Variants in BRAF observed in about 807,000 individuals in gnomAD.
BRAF encodes B-Raf proto-oncogene, serine/threonine kinase.
Under a neutral mutation model 104.6 loss-of-function variants are expected in BRAF, and 16 were observed. That is an observed-to-expected ratio of 0.15 (90% CI 0.10 to 0.23). BRAF has a LOEUF of 0.23. BRAF is among the 10% of genes least tolerant of loss of function. BRAF has a pLI of 1.00. For synonymous variants in BRAF, 310 were observed against 341.6 expected, an observed-to-expected ratio of 0.91 and a Z score of 1.02; for missense variants, 541 against 937.3, an observed-to-expected ratio of 0.58 and a Z score of 5.52.
chr7:140,795,413 C>T (rs1318374325), intron 7 of BRAF, among the ~76,000 whole-genome samples: 1 of 152,166 alleles, frequency 6.6e-6, no homozygotes, highest in Non-Finnish European at 1.5e-5. Flanking sequence ...TGGCTAAGTG[C>T]CAATAAGCTC....
chr7:140,914,815 G>A (rs1485215084), intron 1 of BRAF, among the ~76,000 whole-genome samples: 5 of 151,854 alleles, frequency 3.3e-5, no homozygotes, highest in East Asian at 1.9e-4. Flanking sequence ...TGAGGCGGAC[G>A]GATCATGAGG....
intron 1 of BRAF, among the ~76,000 whole-genome samples, chr7:140,885,956 T>C (rs1179986965): frequency 6.6e-6 from 1 of 152,164 alleles, no homozygotes; most frequent in African/African-American, 2.4e-5. Context: ...TTTGGTATGA[T>C]TATAGCATAG....
At chr7:140,731,289 T>C (rs1795943513) in intron 19 of BRAF, 1 of 152,268 alleles carries the variant, frequency 6.6e-6, no homozygotes, top group Non-Finnish European at 1.5e-5. Flanking sequence ...AGTGCTGGGA[T>C]TACAGCGTGA....
At position 140,873,234 on chromosome 7, in the gene BRAF, G is replaced by A. The variant is rs567090910; in HGVS notation, c.139-23022C>T. Among the ~76,000 whole-genome samples the A allele has an allele frequency of 2.1e-3, 303 of 141,160 alleles. 3 individuals are homozygous for A. Among genetic ancestry groups the A allele is most frequent in the Non-Finnish European group, 2.7e-3 (182 of 66,920 alleles). The allele number at this position is 141,160 out of a possible 152,430, so 92.6% of individuals were successfully genotyped here. ...CGCCCAGGCTGGAGTGCAATGGCAC[G>A]ATCTCGGCTCACTGCAACCTCTGCC... On this transcript the variant is annotated intron_variant, in intron 1 of 19. Transcript: ENST00000644969.
intron 7 of BRAF, among the ~76,000 whole-genome samples, chr7:140,798,272 C>CTTT (rs10525418): frequency 3.5e-5 from 4 of 115,614 alleles, no homozygotes; most frequent in South Asian, 5.1e-4. Context: ...CTTTTTTTTT[C>CTTT]TTTTTTTTGA....
At position 140,783,010 on chromosome 7, in the gene BRAF, T is replaced by C. The variant is rs752660119; in HGVS notation, c.1434+11A>G. ...AGAATTCAGAGAAAAAAAGATATCA[T>C]ATACTCTTACCATTCGATTCCTGTC... On this transcript the variant is annotated intron_variant, in intron 11 of 19. Transcript: ENST00000644969. The C allele has an allele frequency of 6.2e-7, 1 of 1,612,872 alleles. No homozygotes were observed.
At chr7:140,800,597 A>G in intron 6 of BRAF, 116 bp from the exon 7 acceptor site, 1 of 1,511,802 alleles carries the variant, frequency 6.6e-7, no homozygotes, top group Non-Finnish European at 9.1e-7. Context: ...AACAACTGTT[A>G]AAATTCAATT....
At chr7:140,855,101 A>C (rs1308596812) in intron 1 of BRAF, among the ~76,000 whole-genome samples, 3 of 152,170 alleles carry the variant, frequency 2.0e-5, no homozygotes, top group Non-Finnish European at 4.4e-5. Flanking sequence ...AATTTTAAAG[A>C]ATGTGTTTGG....
intron 18 of BRAF, 25 bp from the exon 18 acceptor site, chr7:140,734,795 A>AG: frequency 2.5e-6 from 3 of 1,204,720 alleles, no homozygotes; most frequent in African/African-American, 2.3e-5. Flanking sequence ...AGAAAAAAAA[A>AG]AGAAAAAAAA....
intron 1 of BRAF, chr7:140,884,261 A>G (rs907130909): frequency 2.6e-5 from 4 of 151,994 alleles, no homozygotes; most frequent in Admixed American, 6.6e-5. Context: ...AAAGACTTGC[A>G]GTTTTTGGAA....
At chr7:140,878,808 A>G (rs6979327) in intron 1 of BRAF, among the ~76,000 whole-genome samples, 13,895 of 152,244 alleles carry the variant, frequency 0.091, 2,091 homozygotes, top group African/African-American at 0.32. Context: ...TGACTTCAGC[A>G]TTGCGCACTG....
At chr7:140,916,103 C>G (rs1586648022) in intron 1 of BRAF, among the ~76,000 whole-genome samples, 1 of 152,340 alleles carries the variant, frequency 6.6e-6, no homozygotes, top group Non-Finnish European at 1.5e-5. Flanking sequence ...TCTACCTTCG[C>G]AATTGTCACC....
At chr7:140,919,902 G>A (rs1818035879) in intron 1 of BRAF, among the ~76,000 whole-genome samples, 1 of 151,906 alleles carries the variant, frequency 6.6e-6, no homozygotes, top group Non-Finnish European at 1.5e-5. Context: ...GAGTGCAGTG[G>A]TGCGATCATG....
In BRAF at chr7:140,777,899, A is replaced by C. The variant is rs1800486795; in HGVS notation, c.1637+92T>G. On this transcript the variant is annotated intron_variant, in intron 13 of 19. Transcript: ENST00000644969. ...TCTACAAATTTATTCATTTTGAGTAAATCTGTAAAGCTAATAGTTGCTACC... is the reference window on the plus strand; with the variant it reads ...TCTACAAATTTATTCATTTTGAGTACATCTGTAAAGCTAATAGTTGCTACC... 9.8e-6 allele frequency: 12 copies of C among 1,228,550 alleles called. 3 individuals carry two copies. The South Asian group carries it at 1.5e-4, about 15-fold the overall frequency. The allele number at this position is 1,228,550 out of a possible 1,614,324, so 76.1% of individuals were successfully genotyped here.
chr7:140,734,846 A>G, intron 18 of BRAF, 76 bp from the exon 18 acceptor site: 3 of 1,441,926 alleles, frequency 2.1e-6, no homozygotes, highest in South Asian at 1.4e-5. Flanking sequence ...AAGAAAAAAC[A>G]GAAAGAAGAA....
At chr7:140,782,736 C>T (rs978228385) in intron 11 of BRAF, among the ~76,000 whole-genome samples, 3 of 152,104 alleles carry the variant, frequency 2.0e-5, no homozygotes, top group African/African-American at 7.2e-5. Context: ...CTGGACCAGC[C>T]TTTTCGTGCC....
rs1409250783 is a variant in BRAF at position 140,801,445 on chromosome 7, A to G, written c.827T>C (p.Val276Ala). The G allele has an allele frequency of 6.2e-7, 1 of 1,613,978 alleles. No individual in the cohort carries two copies. The change falls in exon 6 of 20, where the codon GTT becomes GCT. Residue 276 changes from valine (V) to alanine (A), a missense_variant. Physicochemically the swap from Val to Ala is moderately conservative, Grantham distance 64 (BLOSUM62 0). Coordinates refer to ENST00000644969, the MANE Select transcript of BRAF (RefSeq NM_001374258.1). ...YKFHQRCSTE[V>A]PLMCVNYDQL... The stretch of plus-strand genomic sequence containing the variant: ...GTCATAATTAACACACATCAGTGGA[A>G]CTTCTGTACTACAACGCTGGTGAAA...
At chr7:140,913,546 G>C (rs922722065) in intron 1 of BRAF, among the ~76,000 whole-genome samples, 1 of 136,032 alleles carries the variant, frequency 7.4e-6, no homozygotes, top group Non-Finnish European at 1.5e-5. Context: ...GCAGTGGCGC[G>C]ATCTTGGCTC....
At chr7:140,903,074 G>A (rs1481062710) in intron 1 of BRAF, among the ~76,000 whole-genome samples, 1 of 151,906 alleles carries the variant, frequency 6.6e-6, no homozygotes, top group Non-Finnish European at 1.5e-5. Flanking sequence ...ACAGGCATGT[G>A]CCACCATGCC....
Sources: allele counts gnomAD v4.1 joint callset (sites outside exome capture counted in the v4.1 genomes callset), GRCh38; gene constraint gnomAD v4.1.1; transcripts MANE v1.5; gene names NCBI Gene and HGNC (gene_info 2026-07-23, HGNC 2026-07-21).